SREBF2: variants seen among roughly 807,000 people sequenced by gnomAD.
SREBF2 encodes sterol regulatory element binding transcription factor 2.
SREBF2 carries 55 observed loss-of-function variants against 113.1 expected under a neutral mutation model. The ratio of observed to expected loss-of-function variants is 0.49; its 90% CI spans 0.39 to 0.61. The LOEUF is 0.61. Among genes scored for constraint, SREBF2 ranks in the 20% least tolerant of loss-of-function variants. The pLI is 0.00. For synonymous variants in SREBF2, 593 were observed against 605.7 expected (o/e 0.98, Z 0.31); for missense variants, 1,349 against 1,487.4 (o/e 0.91, Z 1.53).
chr22:41,870,464 A>G (rs528951846), intron 3 of SREBF2, among the ~76,000 whole-genome samples: 10 of 152,222 alleles, frequency 6.6e-5, no homozygotes, highest in Admixed American at 2.6e-4. Context: ...TCTCTACAAA[A>G]AAATACAAAC....
chr22:41,846,655 T>C (rs2148347377), intron 1 of SREBF2, among the ~76,000 whole-genome samples: 1 of 152,382 alleles, frequency 6.6e-6, no homozygotes, highest in South Asian at 2.1e-4. Context: ...TTTTGCACCG[T>C]GCTGTCTCTA....
chr22:41,901,134 G>A (rs2077462520), intron 16 of SREBF2: 1 of 370,016 alleles, frequency 2.7e-6, no homozygotes, highest in Admixed American at 3.3e-5. Context: ...CCAGGAAACA[G>A]GAGGGCACCC....
chr22:41,895,216 T>A (rs1179829742), intron 13 of SREBF2, among the ~76,000 whole-genome samples: 1 of 150,334 alleles, frequency 6.7e-6, no homozygotes, highest in African/African-American at 2.4e-5. Context: ...CTTGGCACAC[T>A]GCAAGCTCTG....
At chr22:41,835,518 C>G (rs1044909578) in intron 1 of SREBF2, among the ~76,000 whole-genome samples, 1 of 152,152 alleles carries the variant, frequency 6.6e-6, no homozygotes, top group East Asian at 1.9e-4. Context: ...CCATGTTGGT[C>G]GGGCTGGTCT....
intron 14 of SREBF2, 72 bp downstream of exon 14, chr22:41,897,233 G>A: frequency 1.0e-6 from 1 of 998,638 alleles, no homozygotes; most frequent in Non-Finnish European, 1.5e-6. Flanking sequence ...TGCCCCAGGG[G>A]TCCAGGGCGT....
At chr22:41,890,153 T>TG (rs2077345117) in intron 11 of SREBF2, among the ~76,000 whole-genome samples, 1 of 152,208 alleles carries the variant, frequency 6.6e-6, no homozygotes. Flanking sequence ...ACAAGCATGG[T>TG]GTCACTGTTT....
At chr22:41,871,664 G>C (rs868515027) in intron 4 of SREBF2, among the ~76,000 whole-genome samples, 21 of 152,112 alleles carry the variant, frequency 1.4e-4, no homozygotes, top group African/African-American at 4.8e-4. Flanking sequence ...GGCCAAGAGG[G>C]GTGGATCACC....
chr22:41,862,768 AG>A (rs1385963243), intron 1 of SREBF2, among the ~76,000 whole-genome samples: 5 of 152,144 alleles, frequency 3.3e-5, no homozygotes, highest in African/African-American at 1.2e-4. Context: ...GCCCTTCTGG[AG>A]CTTCCCATCA....
chr22:41,868,214 G>A (rs747639979), intron 2 of SREBF2, among the ~76,000 whole-genome samples: 29 of 152,156 alleles, frequency 1.9e-4, no homozygotes, highest in Non-Finnish European at 7.4e-5. Flanking sequence ...ATTGGGACAG[G>A]TGGGGGAATG....
intron 1 of SREBF2, among the ~76,000 whole-genome samples, chr22:41,862,711 C>CT (rs2077037882): frequency 6.6e-6 from 1 of 152,208 alleles, no homozygotes; most frequent in African/African-American, 2.4e-5. Flanking sequence ...CAGGCCTCCT[C>CT]TTTCCTGGCA....
At chr22:41,862,882 G>A (rs2077039556) in intron 1 of SREBF2, among the ~76,000 whole-genome samples, 1 of 152,212 alleles carries the variant, frequency 6.6e-6, no homozygotes, top group African/African-American at 2.4e-5. Context: ...CTTTTTGTGT[G>A]TGGGTTGAAA....
chr22:41,891,953 A>T (rs1262028150), intron 11 of SREBF2, among the ~76,000 whole-genome samples: 5 of 152,190 alleles, frequency 3.3e-5, no homozygotes, highest in Admixed American at 1.3e-4. Flanking sequence ...TCCTGGAATG[A>T]TGTTATCCCG....
intron 5 of SREBF2, 75 bp downstream of exon 5, chr22:41,874,094 A>G (rs974371975): frequency 3.3e-6 from 5 of 1,497,544 alleles, no homozygotes; most frequent in Non-Finnish European, 4.6e-6. Flanking sequence ...GAGCCTAGAG[A>G]AGTCCCAGGC....
intron 1 of SREBF2, among the ~76,000 whole-genome samples, chr22:41,864,716 G>T (rs1473765251): frequency 6.6e-6 from 1 of 152,056 alleles, no homozygotes; most frequent in East Asian, 1.9e-4. Context: ...AGCACTTTGG[G>T]AGGCCAAACC....
At chr22:41,860,102 G>A (rs1184458049) in intron 1 of SREBF2, among the ~76,000 whole-genome samples, 2 of 151,926 alleles carry the variant, frequency 1.3e-5, no homozygotes, top group African/African-American at 4.8e-5. Flanking sequence ...ACCGCGCCAG[G>A]CCGACATGGT....
In SREBF2 at chr22:41,868,673, C is replaced by T; in HGVS notation, c.601C>T (p.Gln201Ter). ...SSQVQPVTIQ[Q>*]QVQTVQAQRV... ...CCAGGTACAGCCGGTCACCATTCAG[C>T]AGCAGGTGCAGACAGTACAGGCCCA... Residue 201 changes from glutamine (Q) to a stop codon, truncating the protein, a stop_gained, in exon 3 of 19, where the codon CAG (glutamine) becomes TAG (stop). Transcript: ENST00000361204. LOFTEE classifies it high-confidence loss of function. 6.2e-7 allele frequency: 1 copy of T among 1,614,220 alleles called. No homozygotes were observed. The highest frequency in any genetic ancestry group is 8.5e-7 in the Non-Finnish European group (1 of 1,180,038).
intron 10 of SREBF2, among the ~76,000 whole-genome samples, chr22:41,882,562 T>C (rs2267441): frequency 0.13 from 19,616 of 152,140 alleles, 1,452 homozygotes; most frequent in African/African-American, 0.19. Context: ...TCCCAGCACT[T>C]TGGGAGGCCA....
intron 9 of SREBF2, 102 bp downstream of exon 9, chr22:41,878,225 G>GA: frequency 1.4e-6 from 2 of 1,480,766 alleles, no homozygotes; most frequent in Non-Finnish European, 1.8e-6. Flanking sequence ...GTGGTGAGAG[G>GA]AAAAAGGGAC....
chr22:41,885,152 C>A, intron 11 of SREBF2, 141 bp downstream of exon 11: 1 of 1,052,134 alleles, frequency 9.5e-7, no homozygotes, highest in Non-Finnish European at 1.4e-6. Flanking sequence ...CATTCAGTCG[C>A]TCATTTCACC....
Sources: gnomAD v4.1 joint callset for allele counts (sites outside exome capture counted in the v4.1 genomes callset) on GRCh38, gnomAD v4.1.1 for gene constraint, MANE v1.5 for transcripts, NCBI Gene and HGNC (gene_info 2026-07-23, HGNC 2026-07-21) for gene names.